The following UBL3 variants were observed in gnomAD, a reference collection of about 807,000 sequenced individuals.
UBL3 encodes the protein ubiquitin like 3.
UBL3 carries 6 observed loss-of-function variants against 18.4 expected under a neutral mutation model. The observed-to-expected ratio is 0.33, with a 90% CI of 0.18 to 0.64. UBL3 has a LOEUF of 0.64. UBL3 is among the 30% of genes least tolerant of loss of function. UBL3 has a pLI of 0.76. For synonymous variants in UBL3, 49 were observed against 46.6 expected, an observed-to-expected ratio of 1.05 and a Z score of -0.21; for missense variants, 109 against 142.9, an observed-to-expected ratio of 0.76 and a Z score of 1.21.
At chr13:29,815,560 G>A (rs1878254048) in intron 1 of UBL3, among the ~76,000 whole-genome samples, 1 of 152,084 alleles carries the variant, frequency 6.6e-6, no homozygotes, top group Admixed American at 6.6e-5. Context: ...CCATTTTATT[G>A]TTGCTCTTCT....
At chr13:29,847,102 T>C (rs1284809250) in intron 1 of UBL3, among the ~76,000 whole-genome samples, 3 of 152,220 alleles carry the variant, frequency 2.0e-5, no homozygotes, top group South Asian at 2.1e-4. Context: ...GTATTTGTCA[T>C]GTTATATTTC....
At chr13:29,804,357 A>G (rs1174504751) in intron 1 of UBL3, among the ~76,000 whole-genome samples, 1 of 152,084 alleles carries the variant, frequency 6.6e-6, no homozygotes, top group Non-Finnish European at 1.5e-5. Context: ...CCACTAAATA[A>G]CCATATCAAA....
intron 3 of UBL3, among the ~76,000 whole-genome samples, chr13:29,768,871 T>C (rs1876762136): frequency 6.6e-6 from 1 of 152,094 alleles, no homozygotes; most frequent in Admixed American, 6.6e-5. Flanking sequence ...GATCAACATT[T>C]CAAACCTTGA....
chr13:29,806,394 A>G (rs1469366670), intron 1 of UBL3, among the ~76,000 whole-genome samples: 2 of 152,174 alleles, frequency 1.3e-5, no homozygotes, highest in Non-Finnish European at 2.9e-5. Context: ...AAAATATCTA[A>G]TGCCGGCCTG....
chr13:29,827,125 T>C (rs1305356130), intron 1 of UBL3, among the ~76,000 whole-genome samples: 2 of 152,222 alleles, frequency 1.3e-5, no homozygotes, highest in African/African-American at 2.4e-5. Flanking sequence ...AATTTTGGAA[T>C]AAGTGCGATG....
At chr13:29,837,802 C>G (rs1399113227) in intron 1 of UBL3, among the ~76,000 whole-genome samples, 1 of 151,702 alleles carries the variant, frequency 6.6e-6, no homozygotes, top group Non-Finnish European at 1.5e-5. Flanking sequence ...TGGTGATATG[C>G]GCCTGTAATC....
intron 3 of UBL3, among the ~76,000 whole-genome samples, chr13:29,770,333 G>C (rs777660207): frequency 3.9e-5 from 6 of 151,976 alleles, no homozygotes; most frequent in Non-Finnish European, 7.4e-5. Flanking sequence ...TTCTACACTA[G>C]AGATAGTTTA....
chr13:29,834,593 A>ATGAT (rs1878871168), intron 1 of UBL3, among the ~76,000 whole-genome samples: 1 of 152,176 alleles, frequency 6.6e-6, no homozygotes, highest in Admixed American at 6.5e-5. Context: ...TTTTGGCTTA[A>ATGAT]TGATAAAAAA....
At chr13:29,830,054 T>C (rs1593672772) in intron 1 of UBL3, among the ~76,000 whole-genome samples, 2 of 152,332 alleles carry the variant, frequency 1.3e-5, no homozygotes, top group South Asian at 2.1e-4. Context: ...GTGATTATTT[T>C]TGGTGTGCTT....
chr13:29,789,708 T>G (rs1593656629), intron 1 of UBL3, among the ~76,000 whole-genome samples: 1 of 152,256 alleles, frequency 6.6e-6, no homozygotes, highest in South Asian at 2.1e-4. Flanking sequence ...TTTTTTCAAA[T>G]ATGTTGGGCA....
intron 3 of UBL3, among the ~76,000 whole-genome samples, chr13:29,770,340 T>C (rs1876807124): frequency 6.6e-6 from 1 of 152,016 alleles, no homozygotes; most frequent in African/African-American, 2.4e-5. Flanking sequence ...CTAGAGATAG[T>C]TTATTGTTTT....
chr13:29,777,114 G>C, intron 2 of UBL3, 41 bp downstream of exon 2: 2 of 1,266,562 alleles, frequency 1.6e-6, no homozygotes, highest in Non-Finnish European at 2.2e-6. Context: ...TAGGGCATAA[G>C]AATCAACATT....
Position 29,794,351 on chromosome 13 carries a change from T to TACAC in UBL3, c.28-17092_28-17089dup, listed in dbSNP as rs34035390. Among the ~76,000 whole-genome samples the TACAC allele has an allele frequency of 7.4e-3, 1,104 of 149,940 alleles. 5 individuals are homozygous for TACAC. The highest frequency in any genetic ancestry group is 0.011 in the Non-Finnish European group (768 of 67,362). ...AATAAGAGGGAATCTTTACTAACACTACACACACACACACACACACGCACC... is the reference window on the plus strand; with the variant it reads ...AATAAGAGGGAATCTTTACTAACACTACACACACACACACACACACACACGCACC... On this transcript the variant is annotated intron_variant, in intron 1 of 4. Transcript: ENST00000380680.
chr13:29,825,107 T>C (rs147623075), intron 1 of UBL3, among the ~76,000 whole-genome samples: 4,485 of 152,316 alleles, frequency 0.029, 133 homozygotes, highest in African/African-American at 0.062. Context: ...TTGGTTACTG[T>C]AGCCTTGTAA....
chr13:29,831,769 C>G (rs1048559053), intron 1 of UBL3, among the ~76,000 whole-genome samples: 3 of 150,804 alleles, frequency 2.0e-5, no homozygotes, highest in African/African-American at 4.9e-5. Context: ...AAAAGTAAAA[C>G]AAAAAGCTTA....
chr13:29,809,320 T>TTA (rs1877978615), intron 1 of UBL3, among the ~76,000 whole-genome samples: 1 of 151,938 alleles, frequency 6.6e-6, no homozygotes, highest in South Asian at 2.1e-4. Flanking sequence ...GTAGAACAGT[T>TTA]TAGGCAGTGG....
chr13:29,780,367 A>AAAAAAAAAAATAT (rs1359464345), intron 1 of UBL3, among the ~76,000 whole-genome samples: 70 of 103,252 alleles, frequency 6.8e-4, no homozygotes, highest in African/African-American at 2.4e-3. Context: ...AAAAAAAAAA[A>AAAAAAAAAAATAT]ATATATATAT....
At chr13:29,821,035 G>C (rs1878420889) in intron 1 of UBL3, among the ~76,000 whole-genome samples, 1 of 152,072 alleles carries the variant, frequency 6.6e-6, no homozygotes, top group African/African-American at 2.4e-5. Context: ...CTGTAAAATG[G>C]GGATAATAAT....
chr13:29,829,607 A>C (rs970129175), intron 1 of UBL3, among the ~76,000 whole-genome samples: 9 of 152,154 alleles, frequency 5.9e-5, no homozygotes, highest in African/African-American at 2.2e-4. Flanking sequence ...CTTGGCTAGG[A>C]AAGGGAATTC....
Sources: gnomAD v4.1 joint callset for allele counts (sites outside exome capture counted in the v4.1 genomes callset) on GRCh38, gnomAD v4.1.1 for gene constraint, MANE v1.5 for transcripts, NCBI Gene and HGNC (gene_info 2026-07-23, HGNC 2026-07-21) for gene names.